Variants in RNF213 observed in about 807,000 individuals in gnomAD.
RNF213 encodes E3 ubiquitin-protein ligase RNF213.
In RNF213, 341 loss-of-function variants were observed where a neutral mutation model predicts 514.4. The observed-to-expected ratio is 0.66, with a 90% CI of 0.61 to 0.73. The LOEUF is 0.73. Among genes scored for constraint, RNF213 ranks in the 30% least tolerant of loss-of-function variants. The pLI is 0.00. For synonymous variants in RNF213, 2,655 were observed against 2,658.2 expected (o/e 1.00, Z 0.04); for missense variants, 5,767 against 6,615.6 (o/e 0.87, Z 4.45).
intron 37 of RNF213, among the ~76,000 whole-genome samples, chr17:80,359,024 G>C (rs117254855): frequency 1.3e-5 from 2 of 152,158 alleles, no homozygotes; most frequent in African/African-American, 4.8e-5. Context: ...GGCGTGACAC[G>C]GAGACAGTGC....
chr17:80,280,970 C>T (rs781054634), intron 3 of RNF213, among the ~76,000 whole-genome samples: 77 of 151,928 alleles, frequency 5.1e-4, no homozygotes, highest in Admixed American at 5.9e-4. Context: ...CGGACCGGAG[C>T]GTGTTGGTCA....
At chr17:80,352,407 CAG>C (rs1198729684) in intron 32 of RNF213, 3 of 309,008 alleles carry the variant, frequency 9.7e-6, no homozygotes, top group Admixed American at 4.7e-5. Flanking sequence ...CGACTCCCGA[CAG>C]ACACTGTCAG....
At chr17:80,368,805 C>G (rs977200230) in intron 44 of RNF213, among the ~76,000 whole-genome samples, 4 of 152,136 alleles carry the variant, frequency 2.6e-5, no homozygotes, top group African/African-American at 9.7e-5. Context: ...TCTTGTCTAG[C>G]TTTTTGGAGC....
chr17:80,307,069 A>G lies in RNF213; in HGVS notation c.2428-59A>G, dbSNP rs996843410. The G allele has an allele frequency of 2.6e-6, 4 of 1,540,698 alleles. No homozygotes were observed. The African/African-American group carries it at 5.4e-5, about 21-fold the overall frequency. On this transcript the variant is annotated intron_variant, in intron 12 of 67. Coordinates refer to ENST00000582970, the MANE Select transcript of RNF213 (RefSeq NM_001256071.3). Reference sequence around the variant, plus strand: ...GATTTTTTTCAGCTCTGTTTTAGCAATGACAGTGGCATTGTGATTCAATCT... The same window carrying G: ...GATTTTTTTCAGCTCTGTTTTAGCAGTGACAGTGGCATTGTGATTCAATCT...
intron 49 of RNF213, among the ~76,000 whole-genome samples, chr17:80,373,724 C>T (rs2079618610): frequency 6.6e-6 from 1 of 152,148 alleles, no homozygotes; most frequent in African/African-American, 2.4e-5. Flanking sequence ...AGGCTGGGCA[C>T]AGTGGCTCTC....
Position 80,332,524 on chromosome 17 carries a change from T to C in RNF213, c.4036T>C (p.Tyr1346His). ...GGACCGAGTCGAACAGATCAAGGAA[T>C]ACCATCACCTGCACCAGGCTGTCCA... ...IKDRVEQIKE[Y>H]HHLHQAVHAA... Residue 1346 changes from tyrosine (Y) to histidine (H), a missense_variant, in exon 21 of 68, where the codon TAC (tyrosine) becomes CAC (histidine). By Grantham distance (83) the Tyr-to-His change is moderately conservative. Transcript: ENST00000582970. The C allele has an allele frequency of 6.5e-7, 1 of 1,537,058 alleles. No individual in the cohort carries two copies. Among genetic ancestry groups the C allele is most frequent in the Middle Eastern group, 1.7e-4 (1 of 5,990 alleles).
At chr17:80,365,580 C>T (rs940334808) in intron 42 of RNF213, among the ~76,000 whole-genome samples, 1 of 152,016 alleles carries the variant, frequency 6.6e-6, no homozygotes, top group Admixed American at 6.5e-5. Flanking sequence ...CACACCAGCT[C>T]GTGTCTCGTG....
At chr17:80,324,926 A>G (rs2046239279) in intron 17 of RNF213, 104 bp from the exon 18 acceptor site, 1 of 1,122,756 alleles carries the variant, frequency 8.9e-7, no homozygotes, top group Admixed American at 2.1e-5. Context: ...AACAAGTTAC[A>G]GTAGATTTCA....
intron 3 of RNF213, among the ~76,000 whole-genome samples, chr17:80,276,590 CTG>C (rs2044065423): frequency 6.8e-6 from 1 of 147,094 alleles, no homozygotes; most frequent in South Asian, 2.2e-4. Context: ...CACTGGGTGA[CTG>C]TGAGATCCTT....
chr17:80,267,721 C>G (rs911917482), intron 2 of RNF213, among the ~76,000 whole-genome samples: 1 of 152,140 alleles, frequency 6.6e-6, no homozygotes, highest in African/African-American at 2.4e-5. Flanking sequence ...CATAAAAGTG[C>G]AAGGTGAAGC....
Position 80,346,212 on chromosome 17 carries a change from T to A in RNF213, c.7877T>A (p.Met2626Lys). 2 of 1,614,154 alleles carry A rather than the reference T, an allele frequency of 1.2e-6. No individual in the cohort carries two copies. Among genetic ancestry groups the A allele is most frequent in the Non-Finnish European group, 1.7e-6 (2 of 1,180,026 alleles). Residue 2626 changes from methionine to lysine, a missense_variant, in exon 29 of 68, where the codon ATG becomes AAG. Physicochemically the swap from Met to Lys is moderately conservative, Grantham distance 95. Transcript: ENST00000582970. The surrounding 1 kb of genome is among the most constrained non-coding windows in gnomAD (Gnocchi z 8.1). Reference protein sequence around the residue: ...TEVLCASQGFMRKTEDECSFV... With the variant: ...TEVLCASQGFKRKTEDECSFV... ...GTCCTCTGCGCCTCTCAGGGTTTCA[T>A]GAGGAAAACAGAAGATGAGTGCAGC...
Position 80,272,140 on chromosome 17 carries a change from C to T in RNF213, c.98-1101C>T, listed in dbSNP as rs755798280. 8.7e-5 allele frequency among the ~76,000 whole-genome samples: 13 copies of T among 149,444 alleles called. No individual in the cohort carries two copies. In the East Asian group the frequency reaches 1.2e-3, roughly 14 times the overall value. ...CTCTACTAAAAACACAAAAATTAGC[C>T]GGGTGTGGTGGCATGCACCTGTAAT... is the stretch of plus-strand genomic sequence containing the variant. On this transcript the variant is annotated intron_variant, in intron 2 of 67. Coordinates refer to ENST00000582970, the MANE Select transcript of RNF213 (RefSeq NM_001256071.3).
intron 28 of RNF213, among the ~76,000 whole-genome samples, chr17:80,344,417 G>T (rs1240295461): frequency 6.6e-6 from 1 of 152,194 alleles, no homozygotes; most frequent in African/African-American, 2.4e-5. Context: ...CATAATACAT[G>T]TATAGCTTAG....
intron 54 of RNF213, 22 bp from the exon 55 acceptor site, chr17:80,379,598 T>C: frequency 6.2e-7 from 1 of 1,608,798 alleles, no homozygotes; most frequent in Non-Finnish European, 8.5e-7. Flanking sequence ...GAAGTGGTTC[T>C]AGTGCCCTGT....
chr17:80,369,094 T>C (rs887223731), intron 44 of RNF213, among the ~76,000 whole-genome samples: 5 of 152,144 alleles, frequency 3.3e-5, no homozygotes, highest in Non-Finnish European at 4.4e-5. Context: ...GACTTGAATC[T>C]TTCAATTTAA....
chr17:80,359,578 G>A (rs555296162), intron 37 of RNF213, among the ~76,000 whole-genome samples: 94 of 139,706 alleles, frequency 6.7e-4, no homozygotes, highest in African/African-American at 2.4e-3. Flanking sequence ...GGAGACAGAA[G>A]GAAGAAAGAG....
intron 17 of RNF213, 37 bp from the exon 18 acceptor site, chr17:80,324,993 A>C (rs1481398465): frequency 6.6e-7 from 1 of 1,522,456 alleles, no homozygotes; most frequent in Admixed American, 2.0e-5. Flanking sequence ...CTAATGAAAA[A>C]CTTCTAAATG....
At chr17:80,355,617 G>A (rs78230659) in intron 36 of RNF213, among the ~76,000 whole-genome samples, 5,261 of 12,532 alleles carry the variant, frequency 0.42, 1,597 homozygotes, top group African/African-American at 0.55. Flanking sequence ...AGCGGGGTGA[G>A]TGGGAATGGG....
chr17:80,288,609 G>C lies in RNF213; in HGVS notation c.811-24G>C, dbSNP rs771318645. The C allele has an allele frequency of 2.4e-5, 39 of 1,614,152 alleles. No individual in the cohort carries two copies. Among genetic ancestry groups the C allele is most frequent in the Non-Finnish European group, 3.2e-5 (38 of 1,180,034 alleles). ...CACCCTGGCCCATTTTGTCACCTTG[G>C]CTCTGGTGTTTGGGGTCTTTCAGGC... is the stretch of plus-strand genomic sequence containing the variant. On this transcript the variant is annotated intron_variant, in intron 4 of 67. Coordinates refer to ENST00000582970, the MANE Select transcript of RNF213 (RefSeq NM_001256071.3). The surrounding 1 kb of genome is among the most constrained non-coding windows in gnomAD (Gnocchi z 4.9).
Sources: gnomAD v4.1 joint callset for allele counts (sites outside exome capture counted in the v4.1 genomes callset) on GRCh38, gnomAD v4.1.1 for gene constraint, Gnocchi (gnomAD v3.1) non-coding constraint, MANE v1.5 for transcripts, NCBI Gene and HGNC (gene_info 2026-07-23, HGNC 2026-07-21) for gene names.